The following ZMIZ1 variants were observed in gnomAD, a reference collection of about 807,000 sequenced individuals.
ZMIZ1 encodes the protein zinc finger MIZ domain-containing protein 1.
In ZMIZ1, 17 loss-of-function variants were observed where a neutral mutation model predicts 113.9. That is an observed-to-expected ratio of 0.15 (90% CI 0.10 to 0.22). The LOEUF is 0.22. Among genes scored for constraint, ZMIZ1 ranks in the 10% least tolerant of loss-of-function variants. The pLI is 1.00. For missense variants in ZMIZ1, 1,059 were observed against 1,477.8 expected, an observed-to-expected ratio of 0.72 and a Z score of 4.65; for synonymous variants, 607 against 603.1, an observed-to-expected ratio of 1.01 and a Z score of -0.09.
intron 8 of ZMIZ1, among the ~76,000 whole-genome samples, chr10:79,282,243 C>T (rs58842227): frequency 0.022 from 3,389 of 152,274 alleles, 119 homozygotes; most frequent in African/African-American, 0.077. Flanking sequence ...TGTTTTAGTC[C>T]GTCATCCTCC....
chr10:79,070,047 C>T (rs1842204261), intron 1 of ZMIZ1, among the ~76,000 whole-genome samples: 2 of 151,740 alleles, frequency 1.3e-5, no homozygotes, highest in African/African-American at 2.4e-5. Context: ...AGTAATTTCC[C>T]CGTGTTCTTT....
At chr10:79,310,767 G>C (rs1241114118) in intron 23 of ZMIZ1, among the ~76,000 whole-genome samples, 157 bp from the exon 24 acceptor site, 1 of 152,044 alleles carries the variant, frequency 6.6e-6, no homozygotes, top group East Asian at 1.9e-4. Flanking sequence ...ATTTTTCTTT[G>C]TTTCTCTGCC....
intron 17 of ZMIZ1, among the ~76,000 whole-genome samples, chr10:79,301,335 T>C (rs1359669497): frequency 1.3e-5 from 2 of 152,154 alleles, no homozygotes; most frequent in African/African-American, 4.8e-5. Context: ...TCAGCACCTT[T>C]TCCCCCAGAC....
Position 79,148,995 on chromosome 10 carries a change from G to A in ZMIZ1, c.-131+9218G>A, listed in dbSNP as rs185639270. ...TCAGTGGCCTGCGCTGGCAGCCAGG[G>A]TGTGGCTAAAGTCAGTTCCTGCCTA... On this transcript the variant is annotated intron_variant, in intron 3 of 24. Transcript: ENST00000334512. Among the ~76,000 whole-genome samples the A allele has an allele frequency of 1.6e-4, 25 of 152,350 alleles. No homozygotes were observed. The East Asian group carries it at 4.6e-3, about 28-fold the overall frequency.
intron 15 of ZMIZ1, 64 bp from the exon 16 acceptor site, chr10:79,298,986 C>A: frequency 6.5e-7 from 1 of 1,546,938 alleles, no homozygotes; most frequent in South Asian, 1.2e-5. Flanking sequence ...CAAGTCCCAC[C>A]TACAGCCCCA....
intron 16 of ZMIZ1, among the ~76,000 whole-genome samples, chr10:79,300,116 G>A (rs1353584168): frequency 1.3e-5 from 2 of 152,218 alleles, no homozygotes; most frequent in Non-Finnish European, 2.9e-5. Context: ...GCTCAGGCAG[G>A]AGGACAGAGG....
chr10:79,207,216 C>T (rs1050638407), intron 5 of ZMIZ1, among the ~76,000 whole-genome samples: 2 of 152,178 alleles, frequency 1.3e-5, no homozygotes, highest in Admixed American at 1.3e-4. Flanking sequence ...CTGGGTGGCT[C>T]CTGTTCTGTT....
intron 4 of ZMIZ1, among the ~76,000 whole-genome samples, chr10:79,188,125 C>T (rs1361015817): frequency 2.0e-5 from 3 of 152,182 alleles, no homozygotes; most frequent in East Asian, 1.9e-4. Flanking sequence ...ATGAAGGACA[C>T]GCCTATTGTT....
At chr10:79,204,970 A>AGGAT (rs60981787) in intron 5 of ZMIZ1, among the ~76,000 whole-genome samples, 19,458 of 151,034 alleles carry the variant, frequency 0.13, 1,534 homozygotes, top group East Asian at 0.31. Flanking sequence ...TGATTCATTT[A>AGGAT]GGATGGATGG....
At chr10:79,186,999 T>A (rs1178557797) in intron 4 of ZMIZ1, among the ~76,000 whole-genome samples, 1 of 152,186 alleles carries the variant, frequency 6.6e-6, no homozygotes, top group Admixed American at 6.5e-5. Flanking sequence ...TGTGGGGTGA[T>A]CCCCAGCCTG....
chr10:79,187,797 G>A (rs1847409437), intron 4 of ZMIZ1, among the ~76,000 whole-genome samples: 1 of 152,194 alleles, frequency 6.6e-6, no homozygotes, highest in Non-Finnish European at 1.5e-5. Flanking sequence ...GGCAGCGCCT[G>A]GAGAATGAAT....
intron 4 of ZMIZ1, among the ~76,000 whole-genome samples, chr10:79,172,788 C>T (rs1317593663): frequency 6.6e-6 from 1 of 152,238 alleles, no homozygotes; most frequent in South Asian, 2.1e-4. Flanking sequence ...TTTCCATTAT[C>T]AAACTTTACA....
chr10:79,174,626 C>T (rs1265041108), intron 4 of ZMIZ1, among the ~76,000 whole-genome samples: 1 of 152,236 alleles, frequency 6.6e-6, no homozygotes, highest in Non-Finnish European at 1.5e-5. Flanking sequence ...CCCTTTGTAG[C>T]TGAGATGTCC....
chr10:79,254,880 C>G (rs890345736), intron 7 of ZMIZ1, among the ~76,000 whole-genome samples: 1 of 152,190 alleles, frequency 6.6e-6, no homozygotes, highest in Admixed American at 6.5e-5. Flanking sequence ...GCACATTGCC[C>G]GATGGCCCCC....
At chr10:79,274,154 A>G (rs1852118030) in intron 7 of ZMIZ1, among the ~76,000 whole-genome samples, 1 of 152,196 alleles carries the variant, frequency 6.6e-6, no homozygotes, top group African/African-American at 2.4e-5. Context: ...GGCACTCTTG[A>G]CCCTGCCTGC....
At chr10:79,124,218 G>A (rs1411222491) in intron 2 of ZMIZ1, among the ~76,000 whole-genome samples, 3 of 152,206 alleles carry the variant, frequency 2.0e-5, no homozygotes, top group Admixed American at 1.3e-4. Flanking sequence ...GCCCCTCTCT[G>A]AGCAGCTGTT....
intron 7 of ZMIZ1, among the ~76,000 whole-genome samples, chr10:79,245,203 G>T (rs1012997725): frequency 1.3e-5 from 2 of 152,206 alleles, no homozygotes; most frequent in African/African-American, 4.8e-5. Context: ...CTGGCTCAGA[G>T]CCCCTGTGCC....
chr10:79,305,424 T>TGCCTCC, intron 20 of ZMIZ1, 109 bp from the exon 21 acceptor site: 1 of 1,327,242 alleles, frequency 7.5e-7, no homozygotes, highest in Non-Finnish European at 1.1e-6. Flanking sequence ...GTGCCTCCAG[T>TGCCTCC]AGTAACCAGC....
intron 7 of ZMIZ1, among the ~76,000 whole-genome samples, chr10:79,246,360 C>T (rs372726592): frequency 5.9e-5 from 9 of 152,344 alleles, no homozygotes; most frequent in African/African-American, 1.7e-4. Context: ...CCAGCTCAGC[C>T]TCGGGTCCTC....
Sources: gnomAD v4.1 joint callset for allele counts (sites outside exome capture counted in the v4.1 genomes callset) on GRCh38, gnomAD v4.1.1 for gene constraint, MANE v1.5 for transcripts, NCBI Gene and HGNC (gene_info 2026-07-23, HGNC 2026-07-21) for gene names.